KATNIP: variants seen among roughly 807,000 people sequenced by gnomAD.
The protein encoded by KATNIP is katanin interacting protein, also known as katanin-interacting protein.
KATNIP carries 126 observed loss-of-function variants against 174.0 expected under a neutral mutation model. The ratio of observed to expected loss-of-function variants is 0.72; its 90% CI spans 0.63 to 0.84. The LOEUF is 0.84. Among genes scored for constraint, KATNIP ranks in the 40% least tolerant of loss-of-function variants. The pLI, the probability that KATNIP is intolerant of heterozygous loss-of-function variation, is 0.00. For synonymous variants in KATNIP, 810 were observed against 835.7 expected (o/e 0.97, Z 0.53); for missense variants, 1,958 against 2,109.7 (o/e 0.93, Z 1.41).
At position 27,766,481 on chromosome 16, in the gene KATNIP, TG is replaced by T; in HGVS notation, c.3975+11del. Reference sequence around the variant, plus strand: ...CGAGGACACCTATCGCGGGGTAAGCTGGGGAGCAGTGGCCGTGCTCAGTCCA... The same window carrying T: ...CGAGGACACCTATCGCGGGGTAAGCTGGGAGCAGTGGCCGTGCTCAGTCCA... On this transcript the variant is annotated splice_region_variant and intron_variant, in intron 20 of 27. Coordinates refer to ENST00000261588, the MANE Select transcript of KATNIP (RefSeq NM_015202.5). 1.2e-6 allele frequency: 2 copies of T among 1,608,622 alleles called. No homozygotes were observed.
At chr16:27,620,011 G>C (rs1045546226) in intron 3 of KATNIP, among the ~76,000 whole-genome samples, 2 of 152,180 alleles carry the variant, frequency 1.3e-5, no homozygotes, top group Non-Finnish European at 2.9e-5. Context: ...ATCTGCATGT[G>C]ACTTGTCTGG....
rs181100472 is a variant in KATNIP at position 27,761,944 on chromosome 16, A to G, written c.3809+354A>G. ...TTGCAGTGGATGGTTCAGAGTTTAC[A>G]CATGAATGACCCAGGCCTCCCGGGG... is the stretch of plus-strand genomic sequence containing the variant. On this transcript the variant is annotated intron_variant, in intron 19 of 27. Coordinates refer to ENST00000261588, the MANE Select transcript of KATNIP (RefSeq NM_015202.5). Among the ~76,000 whole-genome samples, 167 of 152,310 alleles carry G rather than the reference A, an allele frequency of 1.1e-3. 2 individuals carry two copies. Among genetic ancestry groups the G allele is most frequent in the African/African-American group, 3.9e-3 (162 of 41,554 alleles).
chr16:27,575,490 C>T (rs565923731), intron 2 of KATNIP, among the ~76,000 whole-genome samples: 9 of 152,244 alleles, frequency 5.9e-5, no homozygotes, highest in East Asian at 1.9e-4. Context: ...ACTGACCAAT[C>T]GAGAAATTCA....
intron 6 of KATNIP, among the ~76,000 whole-genome samples, chr16:27,653,151 G>C (rs1387829938): frequency 1.3e-5 from 2 of 152,130 alleles, no homozygotes; most frequent in Non-Finnish European, 2.9e-5. Context: ...AGAGATCATT[G>C]ATCCAGAATA....
intron 23 of KATNIP, 84 bp from the exon 24 acceptor site, chr16:27,774,861 C>T (rs981584374): frequency 1.3e-6 from 2 of 1,540,644 alleles, no homozygotes; most frequent in African/African-American, 2.7e-5. Context: ...CCCCAGAGTC[C>T]CCCGAGCCAC....
At chr16:27,652,125 C>T (rs1597065904) in intron 6 of KATNIP, among the ~76,000 whole-genome samples, 1 of 152,122 alleles carries the variant, frequency 6.6e-6, no homozygotes, top group East Asian at 1.9e-4. Context: ...GGTACCATTC[C>T]GGACACTGAG....
rs1392761694 is a variant in KATNIP at position 27,681,402 on chromosome 16, A to G, written c.812A>G (p.His271Arg). 3 of 1,614,216 alleles carry G rather than the reference A, an allele frequency of 1.9e-6. No homozygotes were observed. Among genetic ancestry groups the G allele is most frequent in the Non-Finnish European group, 2.5e-6 (3 of 1,180,032 alleles). The stretch of plus-strand genomic sequence containing the variant: ...TGAAACAATTGTTTTCCTACAGGTC[A>G]TAAAAGGGAAAGGAATTTGTCTGCA... ...VLEFNPASKS[H>R]KRERNLSAKR... The change falls in exon 8 of 28, where the codon CAT becomes CGT. Residue 271 changes from histidine (H) to arginine (R), a missense_variant. His to Arg is a conservative substitution (Grantham distance 29). Transcript: ENST00000261588.
chr16:27,576,254 A>G (rs1402153813), intron 2 of KATNIP, among the ~76,000 whole-genome samples: 1 of 152,176 alleles, frequency 6.6e-6, no homozygotes, highest in Non-Finnish European at 1.5e-5. Context: ...CATTGTGCCC[A>G]TCGCCCGAGA....
intron 2 of KATNIP, among the ~76,000 whole-genome samples, chr16:27,583,401 C>A (rs953631916): frequency 6.6e-6 from 1 of 152,180 alleles, no homozygotes; most frequent in Non-Finnish European, 1.5e-5. Flanking sequence ...CCTCCACCCC[C>A]AGAAGTCACT....
chr16:27,736,128 G>A (rs1157177660), intron 14 of KATNIP, among the ~76,000 whole-genome samples: 4 of 152,088 alleles, frequency 2.6e-5, no homozygotes, highest in African/African-American at 4.8e-5. Context: ...TCAGCCTCCC[G>A]AGTAGCTGGG....
Position 27,618,636 on chromosome 16 carries a change from T to C in KATNIP, c.140+135T>C, listed in dbSNP as rs143468302. The stretch of plus-strand genomic sequence containing the variant: ...CCCCTCCACTCAGAGGCTTAGAATA[T>C]TATCTGCAACCCCAGCTCCTATTTC... On this transcript the variant is annotated intron_variant, in intron 3 of 27. Coordinates refer to ENST00000261588, the MANE Select transcript of KATNIP (RefSeq NM_015202.5). 3,132 of 618,608 alleles carry C rather than the reference T, an allele frequency of 5.1e-3. 13 individuals carry two copies. Among genetic ancestry groups the C allele is most frequent in the Non-Finnish European group, 6.2e-3 (2,127 of 344,792 alleles). 38.3% of individuals were successfully genotyped at this position (618,608 alleles called of 1,614,324 possible).
chr16:27,672,903 C>T (rs145663812), intron 6 of KATNIP, among the ~76,000 whole-genome samples: 26 of 152,258 alleles, frequency 1.7e-4, no homozygotes, highest in African/African-American at 5.3e-4. Flanking sequence ...TGAAACTGGC[C>T]ATGTTTGGTG....
chr16:27,590,483 T>C (rs1295347510), intron 2 of KATNIP, among the ~76,000 whole-genome samples: 2 of 152,162 alleles, frequency 1.3e-5, no homozygotes, highest in Admixed American at 1.3e-4. Flanking sequence ...TCCTTCTCTG[T>C]AGATGCTATA....
chr16:27,717,394 C>T (rs1278213986), intron 13 of KATNIP, among the ~76,000 whole-genome samples: 2 of 152,174 alleles, frequency 1.3e-5, no homozygotes, highest in East Asian at 3.8e-4. Flanking sequence ...TAGAAAGTTA[C>T]CTGCTCAGAG....
intron 8 of KATNIP, among the ~76,000 whole-genome samples, chr16:27,692,144 A>G (rs2078756807): frequency 1.3e-5 from 2 of 152,146 alleles, no homozygotes; most frequent in Admixed American, 6.5e-5. Context: ...TTCAGGTTCT[A>G]CTTGTCCTGG....
At chr16:27,619,264 C>T (rs183332347) in intron 3 of KATNIP, among the ~76,000 whole-genome samples, 1 of 152,300 alleles carries the variant, frequency 6.6e-6, no homozygotes, top group African/African-American at 2.4e-5. Context: ...TCTGTGAGAC[C>T]ACAGTTCCCC....
intron 3 of KATNIP, among the ~76,000 whole-genome samples, chr16:27,626,136 A>G (rs1369739237): frequency 1.3e-5 from 2 of 152,152 alleles, no homozygotes; most frequent in Non-Finnish European, 2.9e-5. Context: ...GATTACAGGC[A>G]TGAGCCACTG....
chr16:27,739,941 T>G, intron 14 of KATNIP, 100 bp from the exon 15 acceptor site: 1 of 1,322,106 alleles, frequency 7.6e-7, no homozygotes, highest in South Asian at 1.5e-5. Flanking sequence ...TTTCTAGCAT[T>G]TCACATTTTC....
intron 15 of KATNIP, among the ~76,000 whole-genome samples, chr16:27,745,035 G>A (rs376653208): frequency 6.6e-6 from 1 of 152,226 alleles, no homozygotes; most frequent in Admixed American, 6.5e-5. Flanking sequence ...TAAAAAAAGA[G>A]AGCAAGAGAG....
Sources: allele counts gnomAD v4.1 joint callset (sites outside exome capture counted in the v4.1 genomes callset), GRCh38; gene constraint gnomAD v4.1.1; transcripts MANE v1.5; gene names NCBI Gene and HGNC (gene_info 2026-07-23, HGNC 2026-07-21).